HS2ST1: variants seen among roughly 807,000 people sequenced by gnomAD.
HS2ST1 encodes heparan sulfate 2-O-sulfotransferase 1.
HS2ST1 carries 18 observed loss-of-function variants against 42.9 expected under a neutral mutation model. The observed-to-expected ratio is 0.42, with a 90% CI of 0.29 to 0.62. The LOEUF (loss-of-function observed/expected upper bound fraction) is 0.62, where lower values mean the gene tolerates loss of function less well. HS2ST1 is among the 20% of genes least tolerant of loss of function. The pLI, the probability that HS2ST1 is intolerant of heterozygous loss-of-function variation, is 0.21. For synonymous variants in HS2ST1, 146 were observed against 152.9 expected, an observed-to-expected ratio of 0.95 and a Z score of 0.33; for missense variants, 334 against 433.8, an observed-to-expected ratio of 0.77 and a Z score of 2.04.
At chr1:86,923,047 A>T (rs1303734794) in intron 1 of HS2ST1, among the ~76,000 whole-genome samples, 1 of 152,040 alleles carries the variant, frequency 6.6e-6, no homozygotes, top group East Asian at 1.9e-4. Context: ...GTTGTTTTAG[A>T]TAGTTTTTAC....
intron 2 of HS2ST1, among the ~76,000 whole-genome samples, chr1:87,080,496 T>C (rs1335476171): frequency 2.0e-5 from 3 of 152,124 alleles, no homozygotes; most frequent in Non-Finnish European, 4.4e-5. Context: ...AATCATGATA[T>C]GGGGGAGGAA....
At chr1:87,042,839 A>G (rs191895560) in intron 1 of HS2ST1, among the ~76,000 whole-genome samples, 2 of 152,248 alleles carry the variant, frequency 1.3e-5, no homozygotes, top group East Asian at 3.9e-4. Flanking sequence ...AATACTTTGT[A>G]AAAAGTATAA....
Position 87,107,741 on chromosome 1 carries a change from T to C in HS2ST1, c.*3045T>C, listed in dbSNP as rs1652358429. The C allele has an allele frequency of 6.6e-6, 1 of 151,992 alleles. No homozygotes were observed. Among genetic ancestry groups the C allele is most frequent in the South Asian group, 2.1e-4 (1 of 4,834 alleles). The allele number at this position is 151,992 out of a possible 1,614,324, so 9.4% of individuals were successfully genotyped here. A position where few individuals can be genotyped will look rare whatever the true frequency, so the allele number is the denominator to read the frequency against. On this transcript the variant is annotated 3_prime_UTR_variant, in exon 7 of 7. Transcript: ENST00000370550. ...TCTAATTGCTGTGAAATGGCAACTG[T>C]TGATAAATTATTGTGATTGTTTTAA...
intron 1 of HS2ST1, among the ~76,000 whole-genome samples, chr1:86,964,391 C>T (rs954138614): frequency 6.6e-6 from 1 of 152,248 alleles, no homozygotes; most frequent in African/African-American, 2.4e-5. Context: ...ATCCCGGCAC[C>T]TCGGGAGGCC....
At chr1:86,964,610 C>A (rs1647988276) in intron 1 of HS2ST1, among the ~76,000 whole-genome samples, 1 of 152,194 alleles carries the variant, frequency 6.6e-6, no homozygotes. Flanking sequence ...TTCGGCTCGG[C>A]ATCAGAGGGA....
At chr1:87,037,129 T>C (rs1380384945) in intron 1 of HS2ST1, among the ~76,000 whole-genome samples, 1 of 137,996 alleles carries the variant, frequency 7.2e-6, no homozygotes, top group Non-Finnish European at 1.6e-5. Context: ...GCTCCCAACT[T>C]TTGCTTTATC....
rs1553134337 is a variant in HS2ST1 at position 86,976,704 on chromosome 1, G to GTGTATATATATATATATATATATA, written c.124+61545_124+61546insGTATATATATATATATATATATAT. 5.8e-4 allele frequency among the ~76,000 whole-genome samples: 46 copies of GTGTATATATATATATATATATATA among 79,698 alleles called. 1 individual carries two copies. The highest frequency in any genetic ancestry group is 1.9e-3 in the Admixed American group (11 of 5,700). 52.3% of individuals were successfully genotyped at this position (79,698 alleles called of 152,430 possible). A position where few individuals can be genotyped will look rare whatever the true frequency, so the allele number is the denominator to read the frequency against. On this transcript the variant is annotated intron_variant, in intron 1 of 6. Coordinates refer to ENST00000370550, the MANE Select transcript of HS2ST1 (RefSeq NM_012262.4). ...AAATCCATCTTTTCTTTATAAAATT[G>GTGTATATATATATATATATATATA]TATATATATATATATATTTTAAATG...
chr1:87,085,496 T>C (rs555095202), intron 3 of HS2ST1, among the ~76,000 whole-genome samples: 4 of 152,318 alleles, frequency 2.6e-5, no homozygotes, highest in Non-Finnish European at 5.9e-5. Context: ...GTTCCTCTCA[T>C]AGTACTCAAG....
At chr1:87,064,838 T>C (rs905293750) in intron 1 of HS2ST1, among the ~76,000 whole-genome samples, 1 of 152,214 alleles carries the variant, frequency 6.6e-6, no homozygotes, top group African/African-American at 2.4e-5. Context: ...TTTTTAAAAA[T>C]TTTTAGTAGA....
intron 4 of HS2ST1, among the ~76,000 whole-genome samples, chr1:87,097,387 T>G (rs562620836): frequency 6.6e-6 from 1 of 151,958 alleles, no homozygotes; most frequent in Admixed American, 6.5e-5. Flanking sequence ...GATTTTGTTT[T>G]GTTTTGTTTT....
intron 1 of HS2ST1, among the ~76,000 whole-genome samples, chr1:87,021,431 G>A (rs142147558): frequency 6.6e-6 from 1 of 152,264 alleles, no homozygotes; most frequent in East Asian, 1.9e-4. Context: ...TACTCAGCTT[G>A]CTTGTCAAAT....
intron 1 of HS2ST1, among the ~76,000 whole-genome samples, chr1:86,920,287 AAAC>A (rs1227532704): frequency 6.6e-6 from 1 of 152,238 alleles, no homozygotes; most frequent in Non-Finnish European, 1.5e-5. Context: ...CTACTAGACT[AAAC>A]AACTAATTCC....
At chr1:87,085,954 T>G (rs993534317) in intron 3 of HS2ST1, among the ~76,000 whole-genome samples, 1 of 152,196 alleles carries the variant, frequency 6.6e-6, no homozygotes, top group Admixed American at 6.5e-5. Context: ...ATAGTGAGTC[T>G]TATGTTATTT....
At chr1:87,010,886 A>G (rs1025781850) in intron 1 of HS2ST1, among the ~76,000 whole-genome samples, 1 of 151,924 alleles carries the variant, frequency 6.6e-6, no homozygotes, top group Admixed American at 6.6e-5. Flanking sequence ...CCCGGGTTCA[A>G]GCGATTCTCC....
chr1:86,991,214 A>G (rs1055502084), intron 1 of HS2ST1, among the ~76,000 whole-genome samples: 1 of 151,946 alleles, frequency 6.6e-6, no homozygotes, highest in Non-Finnish European at 1.5e-5. Context: ...CTCTGATGCC[A>G]TCTGTTACAA....
At chr1:86,938,375 G>C (rs1660696962) in intron 1 of HS2ST1, among the ~76,000 whole-genome samples, 1 of 152,028 alleles carries the variant, frequency 6.6e-6, no homozygotes, top group Non-Finnish European at 1.5e-5. Flanking sequence ...TTTTTAATGA[G>C]AACCTTCTTT....
chr1:87,045,071 T>C, intron 1 of HS2ST1: 2 of 1,073,180 alleles, frequency 1.9e-6, no homozygotes, highest in South Asian at 1.3e-5. Flanking sequence ...AAGAATCTTC[T>C]TCATCCGAAT....
chr1:86,987,073 T>TG (rs1381716705), intron 1 of HS2ST1, among the ~76,000 whole-genome samples: 2 of 148,428 alleles, frequency 1.3e-5, no homozygotes, highest in African/African-American at 2.5e-5. Context: ...GCCAGGTTTT[T>TG]TTTTTTTTTT....
At chr1:87,090,683 C>T (rs1425264750) in intron 3 of HS2ST1, among the ~76,000 whole-genome samples, 1 of 151,932 alleles carries the variant, frequency 6.6e-6, no homozygotes, top group African/African-American at 2.4e-5. Flanking sequence ...CTTTCAGTGG[C>T]CTCCCTCCTG....
Sources: gnomAD v4.1 joint callset for allele counts (sites outside exome capture counted in the v4.1 genomes callset) on GRCh38, gnomAD v4.1.1 for gene constraint, MANE v1.5 for transcripts, NCBI Gene and HGNC (gene_info 2026-07-23, HGNC 2026-07-21) for gene names.